AP5Z1: variants seen among roughly 807,000 people sequenced by gnomAD.
The protein encoded by AP5Z1 is AP-5 complex subunit zeta-1.
In AP5Z1, 106 loss-of-function variants were observed where a neutral mutation model predicts 83.0. The observed-to-expected ratio is 1.28, with a 90% CI of 1.09 to 1.50. The LOEUF (loss-of-function observed/expected upper bound fraction) is 1.50, where lower values mean the gene tolerates loss of function less well. AP5Z1 is among the 40% of genes most tolerant of loss of function. The pLI, the probability that AP5Z1 is intolerant of heterozygous loss-of-function variation, is 0.00. For missense variants in AP5Z1, 1,565 were observed against 1,094.2 expected (o/e 1.43, Z -6.07); for synonymous variants, 751 against 514.1 (o/e 1.46, Z -6.23).
In AP5Z1 at chr7:4,792,790, C is replaced by T. The variant is rs896456208; in HGVS notation, c.*1405C>T. 1 of 152,312 alleles carries T rather than the reference C, an allele frequency of 6.6e-6. No individual in the cohort carries two copies. The highest frequency in any genetic ancestry group is 1.5e-5 in the Non-Finnish European group (1 of 68,086). The allele number at this position is 152,312 out of a possible 1,614,324, so 9.4% of individuals were successfully genotyped here. A position where few individuals can be genotyped will look rare whatever the true frequency, so the allele number is the denominator to read the frequency against. On this transcript the variant is annotated 3_prime_UTR_variant, in exon 17 of 17. Coordinates refer to ENST00000649063, the MANE Select transcript of AP5Z1 (RefSeq NM_014855.3). ...AGCGCACGTGTACAACTGTGCATAC[C>T]AAGGCGTGCGTGCCAGTGCGCGGGT...
chr7:4,777,162 G>C (rs1046449740), intron 1 of AP5Z1, among the ~76,000 whole-genome samples: 2 of 150,962 alleles, frequency 1.3e-5, no homozygotes, highest in Non-Finnish European at 3.0e-5. Flanking sequence ...TTCAATCCTG[G>C]ACAGATATGT....
In AP5Z1 at chr7:4,790,292, G is replaced by A. The variant is rs79820008; in HGVS notation, c.1806-167G>A. On this transcript the variant is annotated intron_variant, in intron 14 of 16. Coordinates refer to ENST00000649063, the MANE Select transcript of AP5Z1 (RefSeq NM_014855.3). ...AGCGCTGGTGCCAGCCTTCTCCCCA[G>A]TGAGAACAGTTTCTCTGAGGCTGGC... 11,730 of 1,544,752 alleles carry A rather than the reference G, an allele frequency of 7.6e-3. 83 individuals are homozygous for A. The highest frequency in any genetic ancestry group is 0.026 in the South Asian group (2,184 of 83,692).
Position 4,786,229 on chromosome 7 carries a change from T to C in AP5Z1, c.1133-21T>C, listed in dbSNP as rs369908787. On this transcript the variant is annotated intron_variant, in intron 9 of 16. Transcript: ENST00000649063. Reference sequence around the variant, plus strand: ...CAGGGCGAGGTCAAGACGTGTGCCCTGGCGGGCCCTGGTCTTGCAGGGGAA... The same window carrying C: ...CAGGGCGAGGTCAAGACGTGTGCCCCGGCGGGCCCTGGTCTTGCAGGGGAA... 75 of 1,579,454 alleles carry C rather than the reference T, an allele frequency of 4.7e-5. No homozygotes were observed. The African/African-American group carries it at 8.2e-4, about 17-fold the overall frequency.
chr7:4,790,888 G>C lies in AP5Z1; in HGVS notation c.2153+1G>C, dbSNP rs770342755. 3.1e-6 allele frequency: 5 copies of C among 1,598,680 alleles called. No individual in the cohort carries two copies. In the South Asian group the frequency reaches 4.5e-5, roughly 14 times the overall value. On this transcript the variant is annotated splice_donor_variant, in intron 16 of 16. Coordinates refer to ENST00000649063, the MANE Select transcript of AP5Z1 (RefSeq NM_014855.3). LOFTEE classifies it high-confidence loss of function. ...CCCGGAGCCAAGATCTGATCCCCAGGTGCCTGGTCAGGGAGGGAGCGAAGC... is the reference window on the plus strand; with the variant it reads ...CCCGGAGCCAAGATCTGATCCCCAGCTGCCTGGTCAGGGAGGGAGCGAAGC...
In AP5Z1 at chr7:4,781,743, C is replaced by G. The variant is rs751601075; in HGVS notation, c.355C>G (p.Leu119Val). ...SRQLSLVASV[L>V]LAQGDRNEEV... ...GCAGCTGAGCCTGGTGGCCTCCGTT[C>G]TCTTGGCCCAGGTAGCGCAGCAGTC... Residue 119 changes from leucine (L) to valine (V), a missense_variant, in exon 3 of 17, where the codon CTC (leucine) becomes GTC (valine). Coordinates refer to ENST00000649063, the MANE Select transcript of AP5Z1 (RefSeq NM_014855.3). 1.6e-5 allele frequency: 25 copies of G among 1,569,194 alleles called. No homozygotes were observed. The highest frequency in any genetic ancestry group is 1.9e-5 in the Non-Finnish European group (22 of 1,148,444).
intron 9 of AP5Z1, among the ~76,000 whole-genome samples, chr7:4,785,897 G>A (rs551212822): frequency 3.9e-5 from 6 of 151,922 alleles, no homozygotes; most frequent in South Asian, 2.1e-4. Context: ...ATGAGCCACC[G>A]TGCCCAGCTC....
Position 4,785,613 on chromosome 7 carries a change from A to G in AP5Z1, c.1061A>G (p.His354Arg). ...YRSLSCLKALHGRVRGDPASV... is the reference protein window; with the variant it reads ...YRSLSCLKALRGRVRGDPASV... Reference sequence around the variant, plus strand: ...AGTCTCTCCTGCCTGAAGGCCCTGCACGGGCGGGTGCGCGGGGACCCGGCC... The same window carrying G: ...AGTCTCTCCTGCCTGAAGGCCCTGCGCGGGCGGGTGCGCGGGGACCCGGCC... Residue 354 changes from histidine to arginine, a missense_variant, in exon 9 of 17, where the codon CAC becomes CGC. His to Arg is a conservative substitution (Grantham distance 29, BLOSUM62 0). Transcript: ENST00000649063. The G allele has an allele frequency of 1.9e-6, 3 of 1,587,610 alleles. No individual in the cohort carries two copies. The highest frequency in any genetic ancestry group is 2.3e-5 in the South Asian group (2 of 88,086).
rs750232448 is a variant in AP5Z1, at chr7:4,790,855, G to A, written c.2121G>A (p.Lys707=). 1 of 1,607,796 alleles carries A rather than the reference G, an allele frequency of 6.2e-7. No homozygotes were observed. Among genetic ancestry groups the A allele is most frequent in the Non-Finnish European group, 8.5e-7 (1 of 1,178,084 alleles). The change falls in exon 16 of 17, where the codon AAG becomes AAA. Residue 707 remains lysine (K), a synonymous_variant. Coordinates refer to ENST00000649063, the MANE Select transcript of AP5Z1 (RefSeq NM_014855.3). ...VVTVLMTTLT[K]LASRSQDLIP... Reference sequence around the variant, plus strand: ...CCGTGCTGATGACCACGCTGACGAAGCTGGCCTCCCGGAGCCAAGATCTGA... The same window carrying A: ...CCGTGCTGATGACCACGCTGACGAAACTGGCCTCCCGGAGCCAAGATCTGA...
chr7:4,789,564 T>C (rs899954404), intron 13 of AP5Z1, among the ~76,000 whole-genome samples: 2 of 152,190 alleles, frequency 1.3e-5, no homozygotes, highest in Non-Finnish European at 2.9e-5. Context: ...ACAAGACGTG[T>C]GCCTGGCCTT....
rs1269022719 is a variant in AP5Z1 at position 4,792,426 on chromosome 7, C to A, written c.*1041C>A. 1 of 151,524 alleles carries A rather than the reference C, an allele frequency of 6.6e-6. No individual in the cohort carries two copies. The highest frequency in any genetic ancestry group is 2.4e-5 in the African/African-American group (1 of 41,188). The allele number at this position is 151,524 out of a possible 1,614,324, so 9.4% of individuals were successfully genotyped here. A position where few individuals can be genotyped will look rare whatever the true frequency, so the allele number is the denominator to read the frequency against. On this transcript the variant is annotated 3_prime_UTR_variant, in exon 17 of 17. Transcript: ENST00000649063. ...AGCTCTGCGACTAAGAAACCACAGG[C>A]TGAAGGCGACTGCAGGGTCCTGCCC... is the stretch of plus-strand genomic sequence containing the variant.
At chr7:4,788,984 C>T (rs1781653886) in intron 13 of AP5Z1, 33 bp downstream of exon 13, 2 of 1,583,038 alleles carry the variant, frequency 1.3e-6, no homozygotes, top group Non-Finnish European at 1.7e-6. Flanking sequence ...CCCATTCCCA[C>T]AGGCCTCACA....
intron 3 of AP5Z1, among the ~76,000 whole-genome samples, chr7:4,782,474 A>G (rs1414085771): frequency 6.6e-6 from 1 of 152,126 alleles, no homozygotes; most frequent in Non-Finnish European, 1.5e-5. Flanking sequence ...GAAGGTTGCG[A>G]TGGAGCTGGG....
At chr7:4,777,659 G>A (rs1781263801) in intron 1 of AP5Z1, among the ~76,000 whole-genome samples, 1 of 152,138 alleles carries the variant, frequency 6.6e-6, no homozygotes, top group African/African-American at 2.4e-5. Flanking sequence ...GAAGTGCCGG[G>A]ATTACAGGTG....
chr7:4,789,669 A>T (rs968583596), intron 13 of AP5Z1, among the ~76,000 whole-genome samples, 163 bp from the exon 14 acceptor site: 5 of 152,174 alleles, frequency 3.3e-5, no homozygotes, highest in Admixed American at 6.5e-5. Context: ...CTGTGCCCGG[A>T]TGCTGCCAGC....
chr7:4,781,312 G>A lies in AP5Z1; in HGVS notation c.179G>A (p.Arg60Lys), dbSNP rs1418968724. The change falls in exon 2 of 17, where the codon AGG (arginine) becomes AAG (lysine). Residue 60 changes from arginine to lysine, a missense_variant and splice_region_variant. Transcript: ENST00000649063. Reference sequence around the variant, plus strand: ...ATCTCAGCCACGAAGTACAGCCGGAGGTGAGTGTGGCGACGGCTCAGGCCG... The same window carrying A: ...ATCTCAGCCACGAAGTACAGCCGGAAGTGAGTGTGGCGACGGCTCAGGCCG... ...LIISATKYSR[R>K]LEKTCVDLLQ... 6.2e-7 allele frequency: 1 copy of A among 1,613,052 alleles called. No homozygotes were observed. Among genetic ancestry groups the A allele is most frequent in the Non-Finnish European group, 8.5e-7 (1 of 1,179,830 alleles).
rs1446951283 is a variant in AP5Z1, at chr7:4,792,306, TC to T, written c.*926del. The T allele has an allele frequency of 7.5e-6, 1 of 132,644 alleles. No individual in the cohort carries two copies. Among genetic ancestry groups the T allele is most frequent in the South Asian group, 2.3e-4 (1 of 4,306 alleles). 8.2% of individuals were successfully genotyped at this position (132,644 alleles called of 1,614,324 possible). A position where few individuals can be genotyped will look rare whatever the true frequency, so the allele number is the denominator to read the frequency against. On this transcript the variant is annotated 3_prime_UTR_variant, in exon 17 of 17. Coordinates refer to ENST00000649063, the MANE Select transcript of AP5Z1 (RefSeq NM_014855.3). ...CGCCCCGCCCCCAGGCTCAAACTCTTCCCCCTCCCCACTCTGGCTCCGCCCC... is the reference window on the plus strand; with the variant it reads ...CGCCCCGCCCCCAGGCTCAAACTCTTCCCCTCCCCACTCTGGCTCCGCCCC...
At chr7:4,786,461 GGGCA>G in intron 10 of AP5Z1, 33 bp downstream of exon 10, 1 of 1,607,988 alleles carries the variant, frequency 6.2e-7, no homozygotes, top group Non-Finnish European at 8.5e-7. Flanking sequence ...GCCAGGGCAG[GGGCA>G]TGGTAAGTCC....
Position 4,790,821 on chromosome 7 carries a change from A to G in AP5Z1, c.2087A>G (p.Gln696Arg). 1 of 1,609,342 alleles carries G rather than the reference A, an allele frequency of 6.2e-7. No homozygotes were observed. Among genetic ancestry groups the G allele is most frequent in the Non-Finnish European group, 8.5e-7 (1 of 1,178,872 alleles). Residue 696 changes from glutamine to arginine, a missense_variant, in exon 16 of 17, where the codon CAG becomes CGG. By Grantham distance (43) the Gln-to-Arg change is conservative. Coordinates refer to ENST00000649063, the MANE Select transcript of AP5Z1 (RefSeq NM_014855.3). Reference protein sequence around the residue: ...PSAALPRCPPQVVTVLMTTLT... With the variant: ...PSAALPRCPPRVVTVLMTTLT... ...GCTGCCCTGCCCAGGTGTCCCCCCC[A>G]GGTGGTCACCGTGCTGATGACCACG... is the stretch of plus-strand genomic sequence containing the variant.
At chr7:4,786,177 G>A in intron 9 of AP5Z1, 73 bp from the exon 10 acceptor site, 7 of 1,440,916 alleles carry the variant, frequency 4.9e-6, no homozygotes, top group Non-Finnish European at 6.5e-6. Flanking sequence ...GAGACTCAGG[G>A]CCCCTAACCA....
Sources: gnomAD v4.1 joint callset for allele counts (sites outside exome capture counted in the v4.1 genomes callset) on GRCh38, gnomAD v4.1.1 for gene constraint, MANE v1.5 for transcripts, NCBI Gene and HGNC (gene_info 2026-07-23, HGNC 2026-07-21) for gene names.